HPSE2: variants seen among roughly 807,000 people sequenced by gnomAD.
HPSE2 encodes the protein inactive heparanase-2.
HPSE2 carries 38 observed loss-of-function variants against 60.5 expected under a neutral mutation model. That is an observed-to-expected ratio of 0.63 (90% CI 0.48 to 0.82). The LOEUF is 0.82. Ranked by LOEUF, HPSE2 falls within the 40% of genes least tolerant of loss-of-function variation. HPSE2 has a pLI of 0.00. For synonymous variants in HPSE2, 295 were observed against 293.2 expected, an observed-to-expected ratio of 1.01 and a Z score of -0.06; for missense variants, 713 against 740.4, an observed-to-expected ratio of 0.96 and a Z score of 0.43.
chr10:98,915,604 C>T (rs1031313774), intron 3 of HPSE2, among the ~76,000 whole-genome samples: 2 of 152,206 alleles, frequency 1.3e-5, no homozygotes, highest in Admixed American at 6.5e-5. Flanking sequence ...TGTACTCACG[C>T]TTTAACAACA....
At chr10:99,104,373 C>T (rs1242848531) in intron 3 of HPSE2, among the ~76,000 whole-genome samples, 1 of 152,178 alleles carries the variant, frequency 6.6e-6, no homozygotes, top group Admixed American at 6.5e-5. Flanking sequence ...CACCATCTCA[C>T]ACCAGTTAGA....
chr10:98,831,950 G>C (rs112010632), intron 3 of HPSE2, among the ~76,000 whole-genome samples: 6 of 152,284 alleles, frequency 3.9e-5, no homozygotes, highest in African/African-American at 1.4e-4. Context: ...TAAAGAGGTT[G>C]GATAATGACC....
chr10:99,253,849 T>C, the HPSE2 span, among the ~76,000 whole-genome samples: 1 of 151,898 alleles, frequency 6.6e-6, no homozygotes, highest in Non-Finnish European at 1.5e-5. Flanking sequence ...CCAACAAGCA[T>C]TTAAGAGTGT....
intron 2 of HPSE2, among the ~76,000 whole-genome samples, chr10:99,146,809 C>T (rs958328574): frequency 2.6e-5 from 4 of 151,630 alleles, no homozygotes; most frequent in East Asian, 3.9e-4. Context: ...TGCAGTGAGC[C>T]GAGATCGTAC....
intron 6 of HPSE2, among the ~76,000 whole-genome samples, chr10:98,668,173 AT>A (rs1429723611): frequency 6.6e-6 from 1 of 152,170 alleles, no homozygotes; most frequent in African/African-American, 2.4e-5. Context: ...TATAATAGCC[AT>A]AAAAAATAAA....
At chr10:98,897,135 G>T (rs1239195036) in intron 3 of HPSE2, among the ~76,000 whole-genome samples, 1 of 152,130 alleles carries the variant, frequency 6.6e-6, no homozygotes, top group African/African-American at 2.4e-5. Context: ...GCTAAGCTAT[G>T]AGGATGCAAA....
At chr10:98,764,388 A>C (rs1165330443) in intron 3 of HPSE2, among the ~76,000 whole-genome samples, 1 of 152,196 alleles carries the variant, frequency 6.6e-6, no homozygotes, top group Admixed American at 6.5e-5. Context: ...AATAAAAGAC[A>C]AAAAGAAAGC....
chr10:99,111,543 G>A (rs1844462815), intron 3 of HPSE2, among the ~76,000 whole-genome samples: 1 of 152,174 alleles, frequency 6.6e-6, no homozygotes, highest in South Asian at 2.1e-4. Context: ...AAGAAAGACT[G>A]CGTTCCTTTC....
chr10:99,242,616 CAAT>C, the HPSE2 span, among the ~76,000 whole-genome samples: 1 of 152,170 alleles, frequency 6.6e-6, no homozygotes, highest in African/African-American at 2.4e-5. Flanking sequence ...CCATCCCTGC[CAAT>C]TTTGCCATTT....
chr10:98,811,802 A>G (rs141121954), intron 3 of HPSE2, among the ~76,000 whole-genome samples: 54 of 152,286 alleles, frequency 3.5e-4, no homozygotes, highest in African/African-American at 1.3e-3. Context: ...ATTGTAAACC[A>G]TAAACATAGC....
intron 3 of HPSE2, among the ~76,000 whole-genome samples, chr10:98,793,661 G>A (rs1950708750): frequency 6.6e-6 from 1 of 152,226 alleles, no homozygotes; most frequent in Non-Finnish European, 1.5e-5. Flanking sequence ...ACAGGTTAAT[G>A]TAATTGATAA....
At chr10:99,213,517 A>C (rs1213034305) in intron 2 of HPSE2, among the ~76,000 whole-genome samples, 1 of 152,054 alleles carries the variant, frequency 6.6e-6, no homozygotes, top group Non-Finnish European at 1.5e-5. Flanking sequence ...GAGACACCAC[A>C]CCCACACACA....
At chr10:98,528,592 C>A (rs958848462) in intron 9 of HPSE2, among the ~76,000 whole-genome samples, 2 of 152,126 alleles carry the variant, frequency 1.3e-5, no homozygotes, top group African/African-American at 4.8e-5. Context: ...AGAACAGACA[C>A]CCAATTAGTT....
chr10:99,197,787 G>A (rs905635927), intron 2 of HPSE2, among the ~76,000 whole-genome samples: 8 of 152,104 alleles, frequency 5.3e-5, no homozygotes, highest in Non-Finnish European at 1.0e-4. Flanking sequence ...TGGGCCAGGC[G>A]CAGTGGCTCA....
chr10:99,232,588 C>T (rs1404166303), intron 1 of HPSE2, 83 bp from the exon 2 acceptor site: 1 of 1,448,384 alleles, frequency 6.9e-7, no homozygotes, highest in African/African-American at 1.4e-5. Flanking sequence ...CCTCTTCCTA[C>T]TCCCTGAGGG....
At chr10:98,486,931 C>A (rs1000813126) in intron 10 of HPSE2, among the ~76,000 whole-genome samples, 2 of 152,128 alleles carry the variant, frequency 1.3e-5, no homozygotes, top group South Asian at 4.1e-4. Flanking sequence ...TTGTAAGAGC[C>A]ATTTGATGTC....
At position 98,815,830 on chromosome 10, in the gene HPSE2, G is replaced by A. The variant is rs545407043; in HGVS notation, c.611-71774C>T. On this transcript the variant is annotated intron_variant, in intron 3 of 11. Coordinates refer to ENST00000370552, the MANE Select transcript of HPSE2 (RefSeq NM_021828.5). ...TTCTATGTTAGAGTTGGCCAACAAC[G>A]AATTTACGTAAGATTTAAAATGCAT... is the stretch of plus-strand genomic sequence containing the variant. 1.6e-4 allele frequency among the ~76,000 whole-genome samples: 25 copies of A among 152,080 alleles called. No homozygotes were observed. The South Asian group carries it at 5.2e-3, about 32-fold the overall frequency.
At chr10:98,827,094 T>C (rs546271829) in intron 3 of HPSE2, among the ~76,000 whole-genome samples, 46 of 152,168 alleles carry the variant, frequency 3.0e-4, no homozygotes, top group African/African-American at 9.9e-4. Flanking sequence ...GAGGCTGCAA[T>C]GAGCTAGGAT....
At chr10:98,837,738 G>A (rs551816460) in intron 3 of HPSE2, among the ~76,000 whole-genome samples, 2 of 152,152 alleles carry the variant, frequency 1.3e-5, no homozygotes, top group Non-Finnish European at 2.9e-5. Context: ...GCCGGGCGTG[G>A]TGGCGGGCGC....
Sources: allele counts gnomAD v4.1 joint callset (sites outside exome capture counted in the v4.1 genomes callset), GRCh38; gene constraint gnomAD v4.1.1; transcripts MANE v1.5; gene names NCBI Gene and HGNC (gene_info 2026-07-23, HGNC 2026-07-21).